TEP1: variants seen among roughly 807,000 people sequenced by gnomAD.
The protein encoded by TEP1 is telomerase associated protein 1, also known as telomerase protein component 1.
A neutral mutation model predicts 306.3 loss-of-function variants in TEP1; 241 were observed. That is an observed-to-expected ratio of 0.79 (90% CI 0.71 to 0.88). The LOEUF is 0.88. TEP1 is among the 40% of genes least tolerant of loss of function. The probability of loss-of-function intolerance (pLI) is 0.00; values close to 1 mark genes in which losing one functional copy is unlikely to be tolerated. For missense variants in TEP1, 3,051 were observed against 3,276.1 expected (o/e 0.93, Z 1.68); for synonymous variants, 1,289 against 1,305.5 (o/e 0.99, Z 0.27).
rs368727241 is a variant in TEP1 at position 20,403,467 on chromosome 14, C to G, written c.1195-19G>C. 2.1e-5 allele frequency: 34 copies of G among 1,611,610 alleles called. No individual in the cohort carries two copies. In the African/African-American group the frequency reaches 4.4e-4, roughly 21 times the overall value. On this transcript the variant is annotated intron_variant, in intron 6 of 54. Transcript: ENST00000262715. The stretch of plus-strand genomic sequence containing the variant: ...CCATCCCCTGTAGGGACAGGAGAAG[C>G]AATTTCAAAAAAAGGGAACTGGCTG...
rs1308816262 is a variant in TEP1 at position 20,372,793 on chromosome 14, T to C, written c.7016A>G (p.Asp2339Gly). ...SAHTFFVLSA[D>G]EKISEWQVKL... is the part of the protein sequence containing the mutation. ...CACTTGCCACTCGCTGATTTTCTCA[T>C]CAGCACTGAGGACAAAAAAGGTGTG... Residue 2339 changes from aspartate to glycine, a missense_variant, in exon 49 of 55, where the codon GAT becomes GGT. By Grantham distance (94) the Asp-to-Gly change is moderately conservative. Around this residue, in one of 3 missense-constraint regions of TEP1, gnomAD observed 1,540 missense variants for 1,705.9 expected, o/e 0.90. Transcript: ENST00000262715. 1 of 1,613,996 alleles carries C rather than the reference T, an allele frequency of 6.2e-7. No homozygotes were observed. Among genetic ancestry groups the C allele is most frequent in the African/African-American group, 1.3e-5 (1 of 74,878 alleles).
At chr14:20,399,887 C>A (rs775714724) in intron 9 of TEP1, among the ~76,000 whole-genome samples, 1 of 151,718 alleles carries the variant, frequency 6.6e-6, no homozygotes, top group Admixed American at 6.6e-5. Context: ...TATGGCTGGG[C>A]GTGGTGGCTC....
chr14:20,410,599 C>T (rs1025104918), intron 1 of TEP1, among the ~76,000 whole-genome samples: 20 of 138,840 alleles, frequency 1.4e-4, no homozygotes, highest in Non-Finnish European at 2.5e-4. Context: ...ATTTTTTTTT[C>T]TTTTTTTTTT....
At position 20,369,532 on chromosome 14, in the gene TEP1, G is replaced by T. The variant is rs774964090; in HGVS notation, c.7468C>A (p.Leu2490Met). The T allele has an allele frequency of 1.2e-6, 2 of 1,614,104 alleles. No individual in the cohort carries two copies. Among genetic ancestry groups the T allele is most frequent in the Non-Finnish European group, 1.7e-6 (2 of 1,180,024 alleles). The change falls in exon 53 of 55, where the codon CTG becomes ATG. Residue 2490 changes from leucine (L) to methionine (M), a missense_variant. By Grantham distance (15) the Leu-to-Met change is conservative. Coordinates refer to ENST00000262715, the MANE Select transcript of TEP1 (RefSeq NM_007110.5). ...TCTCCTTCTGGGCTGCATTTGGCCA[G>T]GTTCCATAGGATCCCATCAGAGCTG... ...CASSDGILWN[L>M]AKCSPEGEWT...
In TEP1 at chr14:20,380,279, T is replaced by C; in HGVS notation, c.4959A>G (p.Thr1653=). 1 of 1,614,156 alleles carries C rather than the reference T, an allele frequency of 6.2e-7. No homozygotes were observed. Among genetic ancestry groups the C allele is most frequent in the Non-Finnish European group, 8.5e-7 (1 of 1,180,036 alleles). The change falls in exon 34 of 55, where the codon ACA becomes ACG. Residue 1653 remains threonine (T), a synonymous_variant. Transcript: ENST00000262715. ...LLSRRWHLQH[T]LRWLNKPRTM... is the part of the protein sequence containing the mutation. The stretch of plus-strand genomic sequence containing the variant: ...TCCGGGGTTTATTAAGCCATCGTAG[T>C]GTGTGTTGGAGGTGCCATCTCCGGG...
intron 27 of TEP1, 121 bp from the exon 28 acceptor site, chr14:20,382,836 T>A: frequency 1.2e-6 from 1 of 860,910 alleles, no homozygotes; most frequent in Non-Finnish European, 1.9e-6. Context: ...AGACGCCAGG[T>A]CCATGGCATC....
At chr14:20,397,158 T>G (rs1046334074) in intron 9 of TEP1, among the ~76,000 whole-genome samples, 3 of 152,234 alleles carry the variant, frequency 2.0e-5, no homozygotes, top group Non-Finnish European at 4.4e-5. Flanking sequence ...TGGGTTCAAC[T>G]GGCAAAATGT....
At chr14:20,382,107 G>T in intron 29 of TEP1, 44 bp from the exon 30 acceptor site, 1 of 1,611,392 alleles carries the variant, frequency 6.2e-7, no homozygotes, top group Non-Finnish European at 8.5e-7. Context: ...ACCATACGGT[G>T]TCCCCGCCCC....
chr14:20,388,393 A>G (rs1877393522), intron 17 of TEP1, among the ~76,000 whole-genome samples: 2 of 152,238 alleles, frequency 1.3e-5, no homozygotes, highest in Admixed American at 6.5e-5. Context: ...TGTGCCAGCC[A>G]TAAAGGCCCC....
chr14:20,409,657 A>T (rs1879468160), intron 1 of TEP1, among the ~76,000 whole-genome samples: 1 of 151,946 alleles, frequency 6.6e-6, no homozygotes, highest in African/African-American at 2.4e-5. Context: ...ATCCTCCTTT[A>T]CCTTGGGATC....
chr14:20,372,890 C>A, intron 48 of TEP1, 33 bp from the exon 49 acceptor site: 1 of 1,613,948 alleles, frequency 6.2e-7, no homozygotes, highest in African/African-American at 1.3e-5. Flanking sequence ...TTCAGTGCTT[C>A]TGATGAGCCA....
chr14:20,383,985 C>T lies in TEP1; in HGVS notation c.3534+53G>A, dbSNP rs1594342249. The T allele has an allele frequency of 5.0e-6, 8 of 1,585,594 alleles. No individual in the cohort carries two copies. In the East Asian group the frequency reaches 1.3e-4, roughly 27 times the overall value. ...GCCTGAGCTCCCTGTGCCTTACCTCCTTAGCCCACACAGCCTTCCCTCCCT... is the reference window on the plus strand; with the variant it reads ...GCCTGAGCTCCCTGTGCCTTACCTCTTTAGCCCACACAGCCTTCCCTCCCT... On this transcript the variant is annotated intron_variant, in intron 24 of 54. Transcript: ENST00000262715.
intron 1 of TEP1, among the ~76,000 whole-genome samples, chr14:20,410,589 ATTTTTTTTTCTTT>A (rs1185286363): frequency 1.4e-5 from 2 of 138,998 alleles, no homozygotes; most frequent in Non-Finnish European, 3.1e-5. Context: ...TGCCCAGCTG[ATTTTTTTTTCTTT>A]TTTTTTTTTT....
In TEP1 at chr14:20,367,178, A is replaced by C. The variant is rs992868821; in HGVS notation, c.*1259T>G. 2.0e-5 allele frequency: 3 copies of C among 152,236 alleles called. No homozygotes were observed. The highest frequency in any genetic ancestry group is 7.2e-5 in the African/African-American group (3 of 41,458). The allele number at this position is 152,236 out of a possible 1,614,324, so 9.4% of individuals were successfully genotyped here. A position where few individuals can be genotyped will look rare whatever the true frequency, so the allele number is the denominator to read the frequency against. ...CAGGAGTTTGAGACCCACCTGGCCA[A>C]CATGGTGAAACTTCGTCTCTACTGA... On this transcript the variant is annotated 3_prime_UTR_variant, in exon 55 of 55. Coordinates refer to ENST00000262715, the MANE Select transcript of TEP1 (RefSeq NM_007110.5).
Position 20,383,353 on chromosome 14 carries a change from A to T in TEP1, c.3868T>A (p.Cys1290Ser). 1 of 1,603,788 alleles carries T rather than the reference A, an allele frequency of 6.2e-7. No homozygotes were observed. The highest frequency in any genetic ancestry group is 8.5e-7 in the Non-Finnish European group (1 of 1,174,260). The change falls in exon 27 of 55, where the codon TGT becomes AGT. Residue 1290 changes from cysteine to serine, a missense_variant and splice_region_variant. Cys to Ser is a moderately radical substitution (Grantham distance 112). Transcript: ENST00000262715. ...SDWIPKKLPRCVHLVLSVSSD... is the reference protein window; with the variant it reads ...SDWIPKKLPRSVHLVLSVSSD... ...GACACACTCAGCACCAGGTGTACAC[A>T]CTGTGATATTTGGGCAAAGGGGCAG...
At chr14:20,402,923 T>C (rs1434562718) in intron 7 of TEP1, among the ~76,000 whole-genome samples, 1 of 151,484 alleles carries the variant, frequency 6.6e-6, no homozygotes, top group African/African-American at 2.4e-5. Flanking sequence ...CTTTGGGAGG[T>C]CAAGGCAGGT....
In TEP1 at chr14:20,381,822, G is replaced by A. The variant is rs1044682997; in HGVS notation, c.4424+91C>T. 139 of 1,552,290 alleles carry A rather than the reference G, an allele frequency of 9.0e-5. No homozygotes were observed. The highest frequency in any genetic ancestry group is 1.2e-4 in the Non-Finnish European group (134 of 1,151,594). On this transcript the variant is annotated intron_variant, in intron 30 of 54. Coordinates refer to ENST00000262715, the MANE Select transcript of TEP1 (RefSeq NM_007110.5). The surrounding 1 kb of genome is among the most constrained non-coding windows in gnomAD (Gnocchi z 4.0). ...GGAGCAGTAGCTCATTCATGGTCTG[G>A]GAGCCAGTTGTTGAAGCTATACAGA...
At chr14:20,372,647 A>T (rs770829386) in intron 49 of TEP1, 86 bp downstream of exon 49, 107 of 1,588,410 alleles carry the variant, frequency 6.7e-5, no homozygotes, top group Non-Finnish European at 8.7e-5. Context: ...GACCTAGTTC[A>T]GAAGCAGAAG....
rs376867679 is a variant in TEP1, at chr14:20,381,592, T to A, written c.4519A>T (p.Arg1507Trp). ...RTAAKRCYGKRPGLEDTAHIL... is the reference protein window; with the variant it reads ...RTAAKRCYGKWPGLEDTAHIL... Reference sequence around the variant, plus strand: ...TGTGCCGTGTCCTCTAGCCCTGGCCTCTTCCCATAGCAACGTTTAGCTGCT... The same window carrying A: ...TGTGCCGTGTCCTCTAGCCCTGGCCACTTCCCATAGCAACGTTTAGCTGCT... The change falls in exon 31 of 55, where the codon AGG (arginine) becomes TGG (tryptophan). Residue 1507 changes from arginine (R) to tryptophan (W), a missense_variant. Transcript: ENST00000262715. This position sits in a 1 kb window ranked among gnomAD's most constrained non-coding sequence, Gnocchi z 4.0. 1 of 1,613,878 alleles carries A rather than the reference T, an allele frequency of 6.2e-7. No homozygotes were observed. Among genetic ancestry groups the A allele is most frequent in the Admixed American group, 1.7e-5 (1 of 59,998 alleles).
Sources: gnomAD v4.1 joint callset for allele counts (sites outside exome capture counted in the v4.1 genomes callset) on GRCh38, gnomAD v4.1.1 for gene constraint, gnomAD v4.1.1 regional missense constraint, Gnocchi (gnomAD v3.1) non-coding constraint, MANE v1.5 for transcripts, NCBI Gene and HGNC (gene_info 2026-07-23, HGNC 2026-07-21) for gene names.